Variants in PCDHGB5 observed in about 807,000 individuals in gnomAD.
The protein encoded by PCDHGB5 is protocadherin gamma-B5.
PCDHGB5 carries 48 observed loss-of-function variants against 62.9 expected under a neutral mutation model. The observed-to-expected ratio is 0.76, with a 90% CI of 0.61 to 0.97. The LOEUF is 0.97. PCDHGB5 is among the 50% of genes least tolerant of loss of function. The pLI, the probability that PCDHGB5 is intolerant of heterozygous loss-of-function variation, is 0.00. For synonymous variants in PCDHGB5, 474 were observed against 511.2 expected, an observed-to-expected ratio of 0.93 and a Z score of 0.98; for missense variants, 1,118 against 1,198.6, an observed-to-expected ratio of 0.93 and a Z score of 0.99.
chr5:141,475,989 A>G, intron 1 of PCDHGB5: 1 of 1,130,622 alleles, frequency 8.8e-7, no homozygotes, highest in Non-Finnish European at 1.3e-6. Flanking sequence ...CCGGCGAGCA[A>G]ATCAACGGCA....
At chr5:141,403,495 C>T (rs2094413954) in intron 1 of PCDHGB5, 2 of 1,614,014 alleles carry the variant, frequency 1.2e-6, no homozygotes, top group Non-Finnish European at 1.7e-6. Flanking sequence ...TCTCCCTGAA[C>T]GTGCAGACTG....
intron 3 of PCDHGB5, 122 bp downstream of exon 3, chr5:141,505,603 G>A (rs900982128): frequency 6.5e-7 from 1 of 1,534,594 alleles, no homozygotes; most frequent in African/African-American, 1.4e-5. Flanking sequence ...TCTTTCGGCA[G>A]GTCTGAAAGG....
rs561359605 is a variant in PCDHGB5 at position 141,400,125 on chromosome 5, G to A, written c.1998G>A (p.Glu666=). ...TGGTCTTTGCTGACAGCTTGCAGGA[G>A]GTGCTGCCGGATATCACTGACCGCC... ...LHLVFADSLQ[E]VLPDITDRPV... is the part of the protein sequence containing the mutation. Residue 666 remains glutamate, a synonymous_variant, in exon 1 of 4, where the codon GAG becomes GAA. Coordinates refer to ENST00000617380, the MANE Select transcript of PCDHGB5 (RefSeq NM_018925.3). The A allele has an allele frequency of 2.5e-4, 399 of 1,614,072 alleles. 3 individuals are homozygous for A. In the Admixed American group the frequency reaches 6.3e-3, roughly 26 times the overall value.
rs1165828230 is a variant in PCDHGB5, at chr5:141,511,464, C to T, written c.*291C>T. On this transcript the variant is annotated 3_prime_UTR_variant, in exon 4 of 4. Coordinates refer to ENST00000617380, the MANE Select transcript of PCDHGB5 (RefSeq NM_018925.3). ...ACACCAAGAACCATTTGCCACACCCCGTTTAGTTACAGCTGAACTCCTCCA... is the reference window on the plus strand; with the variant it reads ...ACACCAAGAACCATTTGCCACACCCTGTTTAGTTACAGCTGAACTCCTCCA... 9 of 538,254 alleles carry T rather than the reference C, an allele frequency of 1.7e-5. No individual in the cohort carries two copies. The highest frequency in any genetic ancestry group is 7.8e-5 in the East Asian group (2 of 25,720). 33.3% of individuals were successfully genotyped at this position (538,254 alleles called of 1,614,324 possible).
intron 2 of PCDHGB5, among the ~76,000 whole-genome samples, chr5:141,500,180 TTA>T (rs2099797073): frequency 7.1e-6 from 1 of 140,608 alleles, no homozygotes; most frequent in African/African-American, 2.8e-5. Flanking sequence ...AGCTTCATTT[TTA>T]TTTTTATTTA....
chr5:141,501,323 A>G (rs2099807887), intron 2 of PCDHGB5, among the ~76,000 whole-genome samples: 1 of 151,850 alleles, frequency 6.6e-6, no homozygotes, highest in East Asian at 1.9e-4. Flanking sequence ...ACACACACAC[A>G]CACACACACA....
At chr5:141,426,448 C>T (rs1289310586) in intron 1 of PCDHGB5, 4 of 307,946 alleles carry the variant, frequency 1.3e-5, no homozygotes, top group Middle Eastern at 1.2e-3. Context: ...GGAGGACATG[C>T]GGCTGCATGT....
chr5:141,508,928 G>A (rs1475005703), intron 3 of PCDHGB5, among the ~76,000 whole-genome samples: 1 of 152,076 alleles, frequency 6.6e-6, no homozygotes, highest in East Asian at 1.9e-4. Flanking sequence ...TCCTTTTGGA[G>A]TTAATTAGGG....
intron 1 of PCDHGB5, chr5:141,423,754 G>C: frequency 1.7e-6 from 1 of 577,836 alleles, no homozygotes. Flanking sequence ...ACTGTTTGGG[G>C]GGGGGGTGGG....
At chr5:141,414,151 G>T in intron 1 of PCDHGB5, 2 of 1,600,336 alleles carry the variant, frequency 1.2e-6, no homozygotes, top group East Asian at 2.3e-5. Flanking sequence ...AATACAAGCA[G>T]AAGATGGAGG....
rs370067669 is a variant in PCDHGB5 at position 141,419,410 on chromosome 5, G to A, written c.2397+18886G>A. ...CGCAGAGCGGGGTGGTGTTCGCGCA[G>A]CGCGCCTTCGACCACGAGCAGCTGC... On this transcript the variant is annotated intron_variant, in intron 1 of 3. Coordinates refer to ENST00000617380, the MANE Select transcript of PCDHGB5 (RefSeq NM_018925.3). 140 of 1,613,468 alleles carry A rather than the reference G, an allele frequency of 8.7e-5. No individual in the cohort carries two copies. In the African/African-American group the frequency reaches 1.8e-3, roughly 20 times the overall value.
chr5:141,414,437 C>T (rs1422750138), intron 1 of PCDHGB5: 1 of 1,613,856 alleles, frequency 6.2e-7, no homozygotes, highest in Non-Finnish European at 8.5e-7. Flanking sequence ...CAGGTATCCT[C>T]TTACAATATC....
chr5:141,413,994 G>A, intron 1 of PCDHGB5: 1 of 1,613,422 alleles, frequency 6.2e-7, no homozygotes, highest in Non-Finnish European at 8.5e-7. Context: ...CCACCGACAG[G>A]GACGAAGGTG....
rs200349213 is a variant in PCDHGB5 at position 141,425,728 on chromosome 5, GGAT to G, written c.2397+25206_2397+25208del. Among the ~76,000 whole-genome samples the G allele has an allele frequency of 9.8e-4, 149 of 152,196 alleles. 2 individuals carry two copies. In the East Asian group the frequency reaches 0.027, roughly 28 times the overall value. ...AAAATTTTCCCATACCACTTGATGG[GGAT>G]GTTTTCCCACAAGGTTTTTGTTCTA... On this transcript the variant is annotated intron_variant, in intron 1 of 3. Transcript: ENST00000617380.
chr5:141,463,747 G>A (rs994400482), intron 1 of PCDHGB5, among the ~76,000 whole-genome samples: 13 of 152,082 alleles, frequency 8.5e-5, no homozygotes, highest in Middle Eastern at 3.4e-3. Context: ...CGCCCGGCCT[G>A]CTTCTCTTCT....
intron 1 of PCDHGB5, chr5:141,420,220 A>G (rs2096478738): frequency 6.2e-7 from 1 of 1,608,142 alleles, no homozygotes; most frequent in African/African-American, 1.3e-5. Flanking sequence ...ATAGCATGCT[A>G]CTGGCTAGCA....
At chr5:141,504,500 GAGTGGATCT>G (rs2099838791) in intron 2 of PCDHGB5, among the ~76,000 whole-genome samples, 1 of 152,072 alleles carries the variant, frequency 6.6e-6, no homozygotes, top group Non-Finnish European at 1.5e-5. Context: ...TGCCCAGTCT[GAGTGGATCT>G]CCTCTGATAT....
At chr5:141,413,462 G>A (rs750915907) in intron 1 of PCDHGB5, 4 of 1,614,120 alleles carry the variant, frequency 2.5e-6, no homozygotes, top group East Asian at 2.2e-5. Flanking sequence ...AGGATAGACC[G>A]GGAGGAGCTC....
rs58019021 is a variant in PCDHGB5, at chr5:141,500,184, T to TTTTATTTATTTA, written c.2457-5178_2457-5167dup. Among the ~76,000 whole-genome samples, 232 of 135,962 alleles carry TTTTATTTATTTA rather than the reference T, an allele frequency of 1.7e-3. 1 individual carries two copies. The highest frequency in any genetic ancestry group is 6.4e-3 in the South Asian group (27 of 4,202). The allele number at this position is 135,962 out of a possible 152,430, so 89.2% of individuals were successfully genotyped here. A position where few individuals can be genotyped will look rare whatever the true frequency, so the allele number is the denominator to read the frequency against. The stretch of plus-strand genomic sequence containing the variant: ...GAACATGCATGAGCTTCATTTTTAT[T>TTTTATTTATTTA]TTTATTTATTTATTTATTTATTTAT... On this transcript the variant is annotated intron_variant, in intron 2 of 3. Transcript: ENST00000617380.
Sources: allele counts gnomAD v4.1 joint callset (sites outside exome capture counted in the v4.1 genomes callset), GRCh38; gene constraint gnomAD v4.1.1; transcripts MANE v1.5; gene names NCBI Gene and HGNC (gene_info 2026-07-23, HGNC 2026-07-21).